Variants in FHIP2A observed in about 807,000 individuals in gnomAD.
FHIP2A encodes FHF complex subunit HOOK interacting protein 2A.
A neutral mutation model predicts 93.5 loss-of-function variants in FHIP2A; 46 were observed. That is an observed-to-expected ratio of 0.49 (90% CI 0.39 to 0.63). The LOEUF is 0.63. Ranked by LOEUF, FHIP2A falls within the 20% of genes least tolerant of loss-of-function variation. The pLI is 0.00. For synonymous variants in FHIP2A, 332 were observed against 326.5 expected, an observed-to-expected ratio of 1.02 and a Z score of -0.18; for missense variants, 769 against 909.7, an observed-to-expected ratio of 0.85 and a Z score of 1.99.
chr10:114,862,888 CT>C lies in FHIP2A; in HGVS notation c.*1349del. 1 of 985,434 alleles carries C rather than the reference CT, an allele frequency of 1.0e-6. No homozygotes were observed. The highest frequency in any genetic ancestry group is 4.7e-5 in the South Asian group (1 of 21,286). 61.0% of individuals were successfully genotyped at this position (985,434 alleles called of 1,614,324 possible). ...GCTTGAAGGGAACTGTCACTACCCC[CT>C]CTAGGAAGTTATTTTATGTAGCATG... On this transcript the variant is annotated 3_prime_UTR_variant, in exon 17 of 17. Transcript: ENST00000369248.
At chr10:114,822,414 A>G (rs1417692004) in intron 1 of FHIP2A, among the ~76,000 whole-genome samples, 1 of 150,860 alleles carries the variant, frequency 6.6e-6, no homozygotes, top group Non-Finnish European at 1.5e-5. Flanking sequence ...TGGCCGCCCA[A>G]CGCCGCTCGG....
Position 114,843,811 on chromosome 10 carries a change from C to T in FHIP2A, c.887C>T (p.Ala296Val). 1.2e-6 allele frequency: 2 copies of T among 1,602,668 alleles called. No individual in the cohort carries two copies. Among genetic ancestry groups the T allele is most frequent in the Non-Finnish European group, 1.7e-6 (2 of 1,177,176 alleles). The change falls in exon 7 of 17, where the codon GCA (alanine) becomes GTA (valine). Residue 296 changes from alanine to valine, a missense_variant. Coordinates refer to ENST00000369248, the MANE Select transcript of FHIP2A (RefSeq NM_020940.4). ...GTAAGTTTGCCAGAGCCTGCGGCTG[C>T]AAAGTGCCTTACACAGAGCACTTGC... ...LLVSLPEPAA[A>V]KCLTQSTCLC...
chr10:114,846,299 C>G lies in FHIP2A; in HGVS notation c.1330C>G (p.Leu444Val), dbSNP rs760792913. ...TGGAGAACAGAGGGAACCAGAAACT[C>G]TGGCAGAAATCAGCAGACATCCTTT... ...ILGEQREPET[L>V]AEISRHPLRH... Residue 444 changes from leucine to valine, a missense_variant, in exon 10 of 17, where the codon CTG becomes GTG. Physicochemically the swap from Leu to Val is conservative, Grantham distance 32. Transcript: ENST00000369248. 1.7e-5 allele frequency: 27 copies of G among 1,614,014 alleles called. No individual in the cohort carries two copies. Among genetic ancestry groups the G allele is most frequent in the Admixed American group, 6.7e-5 (4 of 59,996 alleles).
chr10:114,843,465 A>C (rs1015847794), intron 6 of FHIP2A, among the ~76,000 whole-genome samples: 3 of 151,544 alleles, frequency 2.0e-5, no homozygotes, highest in Admixed American at 6.6e-5. Flanking sequence ...CCACCACGCC[A>C]GCTAATTTTT....
At chr10:114,840,034 T>C (rs2083660206) in intron 5 of FHIP2A, among the ~76,000 whole-genome samples, 1 of 152,096 alleles carries the variant, frequency 6.6e-6, no homozygotes, top group African/African-American at 2.4e-5. Flanking sequence ...CCTTAAGTAC[T>C]TACAGGATGG....
chr10:114,862,267 G>A lies in FHIP2A; in HGVS notation c.*727G>A, dbSNP rs760919474. 296 of 986,604 alleles carry A rather than the reference G, an allele frequency of 3.0e-4. No homozygotes were observed. The highest frequency in any genetic ancestry group is 3.3e-4 in the Non-Finnish European group (275 of 830,074). The allele number at this position is 986,604 out of a possible 1,614,324, so 61.1% of individuals were successfully genotyped here. ...AGTTTATTTAAACTGTGTCGTTTTC[G>A]CAGCAGTGTTCAATTTGCTCACCAT... On this transcript the variant is annotated 3_prime_UTR_variant, in exon 17 of 17. Transcript: ENST00000369248.
rs78583275 is a variant in FHIP2A at position 114,857,314 on chromosome 10, C to CTTTTTTTTTTTTTTTT, written c.1947+1986_1947+1987insTTTTTTTTTTTTTTTT. On this transcript the variant is annotated intron_variant, in intron 14 of 16. Transcript: ENST00000369248. ...TTTCTTTCTCTCCCTATTTCTTCTT[C>CTTTTTTTTTTTTTTTT]TTTTTTTTTTTTCTGAGACCGAGTC... is the stretch of plus-strand genomic sequence containing the variant. Among the ~76,000 whole-genome samples, 974 of 120,406 alleles carry CTTTTTTTTTTTTTTTT rather than the reference C, an allele frequency of 8.1e-3. 83 individuals are homozygous for CTTTTTTTTTTTTTTTT. The highest frequency in any genetic ancestry group is 0.022 in the African/African-American group (728 of 33,528). 79.0% of individuals were successfully genotyped at this position (120,406 alleles called of 152,430 possible). A position where few individuals can be genotyped will look rare whatever the true frequency, so the allele number is the denominator to read the frequency against.
At chr10:114,866,931 G>T (rs1052594544), downstream of FHIP2A, among the ~76,000 whole-genome samples, 8 of 152,118 alleles carry the variant, frequency 5.3e-5, no homozygotes, top group African/African-American at 1.7e-4. Flanking sequence ...AACAGACGCC[G>T]GGCGCGGTAG....
chr10:114,871,253 A>T (rs1401270543), intron 16 of FHIP2A, among the ~76,000 whole-genome samples: 2 of 152,034 alleles, frequency 1.3e-5, no homozygotes, highest in Non-Finnish European at 2.9e-5. Context: ...CCTGGGCTCA[A>T]GCAATCTTCC....
downstream of FHIP2A, among the ~76,000 whole-genome samples, chr10:114,868,460 A>G (rs938126975): frequency 2.0e-5 from 3 of 152,162 alleles, no homozygotes; most frequent in Non-Finnish European, 4.4e-5. Flanking sequence ...ATTGTTTTTC[A>G]TGAAACCAGT....
chr10:114,867,059 C>G (rs808358), downstream of FHIP2A, among the ~76,000 whole-genome samples: 11,079 of 152,016 alleles, frequency 0.073, 824 homozygotes, highest in African/African-American at 0.17. Flanking sequence ...AACTACAAAA[C>G]TTAGCCAGGC....
intron 16 of FHIP2A, among the ~76,000 whole-genome samples, chr10:114,878,027 A>T (rs543784649): frequency 1.4e-4 from 22 of 152,194 alleles, no homozygotes; most frequent in African/African-American, 5.1e-4. Flanking sequence ...TCTCTTTAAC[A>T]GTCAGTATTA....
chr10:114,885,162 C>T (rs2083936279), intron 16 of FHIP2A, among the ~76,000 whole-genome samples: 1 of 151,234 alleles, frequency 6.6e-6, no homozygotes, highest in African/African-American at 2.4e-5. Context: ...TGGGAGGTCG[C>T]AGCAGGTGGA....
intron 16 of FHIP2A, among the ~76,000 whole-genome samples, chr10:114,871,741 ATTTC>A (rs2083861218): frequency 6.6e-6 from 1 of 152,074 alleles, no homozygotes; most frequent in Non-Finnish European, 1.5e-5. Flanking sequence ...TCATTAATAT[ATTTC>A]TTAGTACCTC....
At chr10:114,893,293 T>G (rs955160717) in intron 16 of FHIP2A, among the ~76,000 whole-genome samples, 4 of 152,202 alleles carry the variant, frequency 2.6e-5, no homozygotes, top group Admixed American at 6.5e-5. Context: ...TGAGAAAAGG[T>G]TGATTGTTCT....
At position 114,835,294 on chromosome 10, in the gene FHIP2A, A is replaced by G. The variant is rs542040523; in HGVS notation, c.295-243A>G. Among the ~76,000 whole-genome samples, 63 of 152,340 alleles carry G rather than the reference A, an allele frequency of 4.1e-4. No individual in the cohort carries two copies. The South Asian group carries it at 0.013, about 31-fold the overall frequency. On this transcript the variant is annotated intron_variant, in intron 3 of 16. Transcript: ENST00000369248. ...TATTATTACCGTGCTGTTTGTAACT[A>G]CATGAGCCTGTGGTCTCACATGCTG...
chr10:114,861,090 C>T, intron 15 of FHIP2A, 141 bp from the exon 16 acceptor site: 2 of 1,141,876 alleles, frequency 1.8e-6, no homozygotes, highest in Non-Finnish European at 2.4e-6. Context: ...GGTATGAGTC[C>T]TTGGTTAAAG....
chr10:114,890,323 C>T (rs556365067), intron 16 of FHIP2A, among the ~76,000 whole-genome samples: 3 of 151,980 alleles, frequency 2.0e-5, no homozygotes, highest in African/African-American at 7.2e-5. Flanking sequence ...GCACCATGCC[C>T]AGCCTAACCA....
intron 16 of FHIP2A, among the ~76,000 whole-genome samples, chr10:114,888,647 G>A (rs957916659): frequency 1.3e-5 from 2 of 151,990 alleles, no homozygotes; most frequent in Non-Finnish European, 1.5e-5. Flanking sequence ...CTGTCGCCCA[G>A]GCTGGAGTGC....
Sources: gnomAD v4.1 joint callset for allele counts (sites outside exome capture counted in the v4.1 genomes callset) on GRCh38, gnomAD v4.1.1 for gene constraint, MANE v1.5 for transcripts, NCBI Gene and HGNC (gene_info 2026-07-23, HGNC 2026-07-21) for gene names.